ZFHX3: variants seen among roughly 807,000 people sequenced by gnomAD.
ZFHX3 encodes zinc finger homeobox 3.
Under a neutral mutation model 279.1 loss-of-function variants are expected in ZFHX3, and 42 were observed. The observed-to-expected ratio is 0.15, with a 90% CI of 0.12 to 0.19. The LOEUF is 0.19. Among genes scored for constraint, ZFHX3 ranks in the 10% least tolerant of loss-of-function variants. ZFHX3 has a pLI of 1.00. For synonymous variants in ZFHX3, 2,293 were observed against 1,957.8 expected (o/e 1.17, Z -4.52); for missense variants, 4,981 against 4,754.0 (o/e 1.05, Z -1.40).
At chr16:73,510,149 C>T (rs2019403942) in intron 2 of ZFHX3, among the ~76,000 whole-genome samples, 1 of 152,124 alleles carries the variant, frequency 6.6e-6, no homozygotes, top group African/African-American at 2.4e-5. Context: ...AGAAGACACC[C>T]CTGATCAGCA....
rs189041442 is a variant in ZFHX3 at position 73,645,577 on chromosome 16, G to C, written c.-1547+34603C>G. ...TCTAAGCATTTAAATCTTTTACCTA[G>C]TTAGCCCTTAATAAATATGTTGATG... On this transcript the variant is annotated intron_variant, in intron 2 of 17. Coordinates refer to the ZFHX3 transcript ENST00000641206. Among the ~76,000 whole-genome samples, 146 of 152,246 alleles carry C rather than the reference G, an allele frequency of 9.6e-4. 2 individuals are homozygous for C. Among genetic ancestry groups the C allele is most frequent in the African/African-American group, 3.3e-3 (139 of 41,554 alleles).
chr16:73,272,268 T>C (rs1476348567), intron 4 of ZFHX3, among the ~76,000 whole-genome samples: 1 of 152,212 alleles, frequency 6.6e-6, no homozygotes, highest in African/African-American at 2.4e-5. Context: ...TGACTTTACA[T>C]TGCAAAATAA....
rs370976962 is a variant in ZFHX3, at chr16:72,959,545, C to T, written c.601G>A (p.Ala201Thr). 2 of 1,614,222 alleles carry T rather than the reference C, an allele frequency of 1.2e-6. No individual in the cohort carries two copies. The highest frequency in any genetic ancestry group is 8.5e-7 in the Non-Finnish European group (1 of 1,180,044). The change falls in exon 2 of 10, where the codon GCC (alanine) becomes ACC (threonine). Residue 201 changes from alanine (A) to threonine (T), a missense_variant. Physicochemically the swap from Ala to Thr is moderately conservative, Grantham distance 58. Around this residue, in one of 7 missense-constraint regions of ZFHX3, gnomAD observed 1,068 missense variants for 935.2 expected, o/e 1.14. Transcript: ENST00000268489. ...YPQIINTFHI[A>T]SSFGKWFEGP... ...TCAAACCATTTCCCGAAGGATGAGG[C>T]TATGTGGAAAGTGTTGATGATCTGC...
chr16:72,907,817 G>C (rs1333882632), intron 3 of ZFHX3, among the ~76,000 whole-genome samples: 1 of 151,664 alleles, frequency 6.6e-6, no homozygotes, highest in Non-Finnish European at 1.5e-5. Flanking sequence ...CAGAGTAGCT[G>C]GGACCACAGG....
At chr16:73,052,439 T>C (rs77342428), upstream of ZFHX3, among the ~76,000 whole-genome samples, 2,720 of 152,128 alleles carry the variant, frequency 0.018, 173 homozygotes, top group East Asian at 0.22. Flanking sequence ...AAGATGACCT[T>C]TTTCACGCTT....
intron 7 of ZFHX3, among the ~76,000 whole-genome samples, chr16:73,116,809 C>G (rs1233461347): frequency 6.6e-6 from 1 of 152,178 alleles, no homozygotes; most frequent in African/African-American, 2.4e-5. Context: ...ATTTTTCTAT[C>G]TCAAACCCAG....
At chr16:72,867,930 C>T (rs2038061455) in intron 4 of ZFHX3, among the ~76,000 whole-genome samples, 1 of 152,124 alleles carries the variant, frequency 6.6e-6, no homozygotes, top group Admixed American at 6.5e-5. Context: ...ACAGAGTCTG[C>T]CAAGGAACCC....
At chr16:73,772,431 G>A (rs2054028643) in intron 1 of ZFHX3, among the ~76,000 whole-genome samples, 1 of 152,172 alleles carries the variant, frequency 6.6e-6, no homozygotes, top group South Asian at 2.1e-4. Context: ...AACAGCATGG[G>A]AAAGGCCTGC....
At chr16:73,475,505 C>T (rs1269553277) in intron 2 of ZFHX3, among the ~76,000 whole-genome samples, 1 of 152,006 alleles carries the variant, frequency 6.6e-6, no homozygotes, top group African/African-American at 2.4e-5. Flanking sequence ...ATATTTTAAA[C>T]ATTATTTTTT....
chr16:73,190,259 G>T (rs1968001945), intron 5 of ZFHX3, among the ~76,000 whole-genome samples: 1 of 152,214 alleles, frequency 6.6e-6, no homozygotes, highest in South Asian at 2.1e-4. Context: ...TGTGGGGGAA[G>T]AAGTTGCTGT....
chr16:73,245,896 G>C (rs965590289), intron 5 of ZFHX3, among the ~76,000 whole-genome samples: 5 of 152,096 alleles, frequency 3.3e-5, no homozygotes, highest in African/African-American at 1.2e-4. Context: ...GCCTCTTTAG[G>C]TCTGGGAACC....
At chr16:73,590,300 A>T (rs1227865681) in intron 2 of ZFHX3, among the ~76,000 whole-genome samples, 1 of 152,220 alleles carries the variant, frequency 6.6e-6, no homozygotes, top group African/African-American at 2.4e-5. Flanking sequence ...TTGTGTCTCT[A>T]ATTATTCTTT....
At chr16:73,669,841 G>T (rs2052883607) in intron 2 of ZFHX3, among the ~76,000 whole-genome samples, 1 of 152,118 alleles carries the variant, frequency 6.6e-6, no homozygotes, top group Admixed American at 6.5e-5. Context: ...CTTTGCTGGG[G>T]TATTTTTTTT....
At chr16:72,837,134 A>C (rs528511713) in intron 4 of ZFHX3, among the ~76,000 whole-genome samples, 1 of 152,310 alleles carries the variant, frequency 6.6e-6, no homozygotes, top group African/African-American at 2.4e-5. Context: ...GTGTGGGAAA[A>C]ACAGAGGCAG....
intron 1 of ZFHX3, chr16:73,005,788 T>C (rs1227151007): frequency 1.3e-5 from 2 of 149,676 alleles, no homozygotes; most frequent in Non-Finnish European, 3.0e-5. Context: ...AGACTCCGTC[T>C]CAAAAAAAAA....
At chr16:72,845,278 C>T (rs2037450248) in intron 4 of ZFHX3, among the ~76,000 whole-genome samples, 1 of 152,190 alleles carries the variant, frequency 6.6e-6, no homozygotes, top group African/African-American at 2.4e-5. Context: ...CCCCCTGCCA[C>T]CACACACACG....
intron 2 of ZFHX3, among the ~76,000 whole-genome samples, chr16:73,501,345 C>T (rs1043763787): frequency 6.6e-6 from 1 of 152,198 alleles, no homozygotes; most frequent in Non-Finnish European, 1.5e-5. Context: ...CACACACTCA[C>T]GTACAGACAA....
Position 73,417,217 on chromosome 16 carries a change from G to A in ZFHX3, c.-1291+38786C>T, listed in dbSNP as rs757263910. On this transcript the variant is annotated intron_variant, in intron 3 of 17. Coordinates refer to the ZFHX3 transcript ENST00000641206. ...GGTGTGAAAAACAAGGGAGGACTGA[G>A]AGGCTGTCATAGATTAAGGGAGCTG... Among the ~76,000 whole-genome samples the A allele has an allele frequency of 3.2e-4, 48 of 151,922 alleles. 1 individual carries two copies. Among genetic ancestry groups the A allele is most frequent in the African/African-American group, 1.1e-3 (46 of 41,226 alleles).
intron 2 of ZFHX3, among the ~76,000 whole-genome samples, chr16:73,585,977 GTA>G (rs1437681877): frequency 2.0e-5 from 3 of 152,136 alleles, no homozygotes; most frequent in Non-Finnish European, 4.4e-5. Flanking sequence ...GAAATAAAAT[GTA>G]TATGGAAACA....
Sources: gnomAD v4.1 joint callset for allele counts (sites outside exome capture counted in the v4.1 genomes callset) on GRCh38, gnomAD v4.1.1 for gene constraint, gnomAD v4.1.1 regional missense constraint, MANE v1.5 for transcripts, NCBI Gene and HGNC (gene_info 2026-07-23, HGNC 2026-07-21) for gene names.